Variants in CCDC80 observed in about 807,000 individuals in gnomAD.
CCDC80 encodes coiled-coil domain containing 80.
A neutral mutation model predicts 78.7 loss-of-function variants in CCDC80; 49 were observed. The observed-to-expected ratio is 0.62, with a 90% CI of 0.50 to 0.79. The LOEUF is 0.79. Among genes scored for constraint, CCDC80 ranks in the 30% least tolerant of loss-of-function variants. The pLI, the probability that CCDC80 is intolerant of heterozygous loss-of-function variation, is 0.00. For missense variants in CCDC80, 1,205 were observed against 1,198.6 expected (o/e 1.01, Z -0.08); for synonymous variants, 488 against 447.0 (o/e 1.09, Z -1.16).
intron 2 of CCDC80, among the ~76,000 whole-genome samples, chr3:112,632,145 T>C (rs1395733209): frequency 6.6e-6 from 1 of 152,214 alleles, no homozygotes; most frequent in African/African-American, 2.4e-5. Flanking sequence ...TAATTAGCTT[T>C]ATGGCATCTG....
chr3:112,617,796 G>A (rs913454013), intron 4 of CCDC80, among the ~76,000 whole-genome samples: 1 of 152,202 alleles, frequency 6.6e-6, no homozygotes, highest in East Asian at 1.9e-4. Flanking sequence ...GGTTTCAGAA[G>A]CCTGGAATTT....
In CCDC80 at chr3:112,602,400, C is replaced by G. The variant is rs1935389298; in HGVS notation, c.*3017G>C. Reference sequence around the variant, plus strand: ...GAAGTTGCAATCTTTCACTTTAAATCAAAAGCTAGAAATGAATAAGCTTAG... The same window carrying G: ...GAAGTTGCAATCTTTCACTTTAAATGAAAAGCTAGAAATGAATAAGCTTAG... On this transcript the variant is annotated 3_prime_UTR_variant, in exon 8 of 8. Transcript: ENST00000206423. The G allele has an allele frequency of 6.6e-6, 1 of 152,112 alleles. No individual in the cohort carries two copies. The highest frequency in any genetic ancestry group is 2.1e-4 in the South Asian group (1 of 4,826). The allele number at this position is 152,112 out of a possible 1,614,324, so 9.4% of individuals were successfully genotyped here. A position where few individuals can be genotyped will look rare whatever the true frequency, so the allele number is the denominator to read the frequency against.
At chr3:112,607,059 G>A (rs949600626) in intron 7 of CCDC80, 117 bp downstream of exon 7, 2 of 684,128 alleles carry the variant, frequency 2.9e-6, no homozygotes, top group African/African-American at 1.8e-5. Context: ...TGAAGTGGGA[G>A]GAGGATTCAA....
intron 3 of CCDC80, among the ~76,000 whole-genome samples, chr3:112,625,854 A>G (rs556701963): frequency 6.6e-6 from 1 of 152,174 alleles, no homozygotes; most frequent in Non-Finnish European, 1.5e-5. Context: ...TGAAAATTTA[A>G]AAAAAGTATT....
chr3:112,629,302 C>T (rs1407736126), intron 3 of CCDC80, among the ~76,000 whole-genome samples: 1 of 148,354 alleles, frequency 6.7e-6, no homozygotes, highest in Non-Finnish European at 1.5e-5. Context: ...TGTAGTTAAA[C>T]CATGAACAAC....
chr3:112,639,027 C>G lies in CCDC80; in HGVS notation c.879G>C (p.Glu293Asp). The G allele has an allele frequency of 6.2e-7, 1 of 1,609,628 alleles. No homozygotes were observed. The highest frequency in any genetic ancestry group is 8.5e-7 in the Non-Finnish European group (1 of 1,179,394). The change falls in exon 2 of 8, where the codon GAG becomes GAC. Residue 293 changes from glutamate (E) to aspartate (D), a missense_variant. Physicochemically the swap from Glu to Asp is conservative, Grantham distance 45. Coordinates refer to ENST00000206423, the MANE Select transcript of CCDC80 (RefSeq NM_199511.3). Reference protein sequence around the residue: ...ASGVEGQVVAEGNDGGGGAGR... With the variant: ...ASGVEGQVVADGNDGGGGAGR... ...CTGCTCCCCCTCCACCGTCATTCCC[C>G]TCCGCCACCACCTGGCCCTCTACAC...
chr3:112,611,472 G>A (rs1270844617), intron 5 of CCDC80, among the ~76,000 whole-genome samples: 1 of 152,156 alleles, frequency 6.6e-6, no homozygotes, highest in African/African-American at 2.4e-5. Context: ...AACGCAATAT[G>A]GTTCTTCATT....
chr3:112,630,210 C>T lies in CCDC80; in HGVS notation c.1938G>A (p.Leu646=). ...NMYVQQRDEY[L]ESFCKMATRK... The stretch of plus-strand genomic sequence containing the variant: ...TGGTAGCCATCTTGCAGAAACTTTC[C>T]AGATATTCATCACGTTGTTGCACAT... The change falls in exon 3 of 8, where the codon CTG becomes CTA. Residue 646 remains leucine (L), a synonymous_variant. Coordinates refer to ENST00000206423, the MANE Select transcript of CCDC80 (RefSeq NM_199511.3). The T allele has an allele frequency of 6.2e-7, 1 of 1,613,868 alleles. No homozygotes were observed. The highest frequency in any genetic ancestry group is 8.5e-7 in the Non-Finnish European group (1 of 1,179,816).
rs760626079 is a variant in CCDC80, at chr3:112,602,559, A to C, written c.*2858T>G. On this transcript the variant is annotated 3_prime_UTR_variant, in exon 8 of 8. Transcript: ENST00000206423. ...ACTTTGTGAATGCATGAATGATAAA[A>C]AAGTAAAACAGCCTTACTGCTGATA... The C allele has an allele frequency of 3.3e-5, 5 of 152,254 alleles. No homozygotes were observed. The highest frequency in any genetic ancestry group is 1.5e-5 in the Non-Finnish European group (1 of 68,046). 9.4% of individuals were successfully genotyped at this position (152,254 alleles called of 1,614,324 possible). A position where few individuals can be genotyped will look rare whatever the true frequency, so the allele number is the denominator to read the frequency against.
Position 112,630,226 on chromosome 3 carries a change from T to C in CCDC80, c.1922A>G (p.Gln641Arg), listed in dbSNP as rs1172845552. ...GAAACTTTCCAGATATTCATCACGT[T>C]GTTGCACATACATATTGTTCTCAGC... ...PKAENNMYVQ[Q>R]RDEYLESFCK... Residue 641 changes from glutamine to arginine, a missense_variant, in exon 3 of 8, where the codon CAA becomes CGA. Physicochemically the swap from Gln to Arg is conservative, Grantham distance 43. Transcript: ENST00000206423. 6.2e-7 allele frequency: 1 copy of C among 1,613,952 alleles called. No individual in the cohort carries two copies. The highest frequency in any genetic ancestry group is 2.2e-5 in the East Asian group (1 of 44,882).
intron 2 of CCDC80, among the ~76,000 whole-genome samples, chr3:112,632,743 A>G (rs146845123): frequency 4.6e-5 from 7 of 152,252 alleles, no homozygotes; most frequent in Non-Finnish European, 8.8e-5. Flanking sequence ...TCTGATGTTT[A>G]TTTTCACTGC....
chr3:112,633,356 C>G (rs1031149390), intron 2 of CCDC80, among the ~76,000 whole-genome samples: 1 of 152,148 alleles, frequency 6.6e-6, no homozygotes, highest in Non-Finnish European at 1.5e-5. Context: ...AATGCATTAT[C>G]CTCCTTAAAG....
intron 3 of CCDC80, among the ~76,000 whole-genome samples, chr3:112,620,190 A>G (rs532885169): frequency 1.3e-5 from 2 of 152,328 alleles, no homozygotes; most frequent in East Asian, 3.9e-4. Flanking sequence ...AAAGGGGATG[A>G]TTACAATTTA....
At chr3:112,606,301 C>T (rs936528966) in intron 7 of CCDC80, among the ~76,000 whole-genome samples, 1 of 152,232 alleles carries the variant, frequency 6.6e-6, no homozygotes, top group African/African-American at 2.4e-5. Context: ...CTGCTGTGTC[C>T]GGCATTCTGC....
chr3:112,634,760 C>T (rs1936171573), intron 2 of CCDC80, among the ~76,000 whole-genome samples: 1 of 152,180 alleles, frequency 6.6e-6, no homozygotes, highest in Non-Finnish European at 1.5e-5. Flanking sequence ...TTCCCCTTCA[C>T]TTTATGGCAT....
chr3:112,638,438 C>T lies in CCDC80; in HGVS notation c.1468G>A (p.Glu490Lys), dbSNP rs1206141546. ...VVPGPPKPAK[E>K]KPPKKKAQDK... ...TGGGCCTTCTTTTTGGGAGGTTTCT[C>T]CTTTGCTGGCTTGGGAGGACCTGGC... The change falls in exon 2 of 8, where the codon GAG becomes AAG. Residue 490 changes from glutamate (E) to lysine (K), a missense_variant. By Grantham distance (56) the Glu-to-Lys change is moderately conservative. Transcript: ENST00000206423. 7 of 1,613,516 alleles carry T rather than the reference C, an allele frequency of 4.3e-6. No individual in the cohort carries two copies. The South Asian group carries it at 5.5e-5, about 13-fold the overall frequency.
In CCDC80 at chr3:112,638,827, GT is replaced by G; in HGVS notation, c.1078del (p.Thr360GlnfsTer2). The G allele has an allele frequency of 6.2e-7, 1 of 1,613,886 alleles. No individual in the cohort carries two copies. Among genetic ancestry groups the G allele is most frequent in the Non-Finnish European group, 8.5e-7 (1 of 1,180,016 alleles). Reference sequence around the variant, plus strand: ...CGCCCGGGACGTGGACCGAGTCACTGTTGTGGCTGGGGCAGGAGGAAGGGTG... The same window carrying G: ...CGCCCGGGACGTGGACCGAGTCACTGTGTGGCTGGGGCAGGAGGAAGGGTG... ...ATTLPPAPAT[T>X]VTRSTSRAVT... On this transcript the variant is annotated frameshift_variant, in exon 2 of 8. Transcript: ENST00000206423. LOFTEE classifies it high-confidence loss of function.
Position 112,638,465 on chromosome 3 carries a change from C to G in CCDC80, c.1441G>C (p.Val481Leu). 1 of 1,613,322 alleles carries G rather than the reference C, an allele frequency of 6.2e-7. No individual in the cohort carries two copies. The highest frequency in any genetic ancestry group is 1.3e-5 in the African/African-American group (1 of 74,728). ...REHGHRDPNV[V>L]PGPPKPAKEK... ...TTTGCTGGCTTGGGAGGACCTGGCA[C>G]CACATTTGGGTCTCGGTGGCCATGT... The change falls in exon 2 of 8, where the codon GTG becomes CTG. Residue 481 changes from valine (V) to leucine (L), a missense_variant. Transcript: ENST00000206423.
In CCDC80 at chr3:112,597,029, T is replaced by G. The variant is rs1576773497; in HGVS notation, c.*8388A>C. 7 of 152,316 alleles carry G rather than the reference T, an allele frequency of 4.6e-5. 2 individuals are homozygous for G. The highest frequency in any genetic ancestry group is 4.6e-4 in the Admixed American group (7 of 15,290). The allele number at this position is 152,316 out of a possible 1,614,324, so 9.4% of individuals were successfully genotyped here. ...GGTCTTTATGTCTGTCTGGTCATGTTATCAGCCAGTCTTACTTAATGTATT... is the reference window on the plus strand; with the variant it reads ...GGTCTTTATGTCTGTCTGGTCATGTGATCAGCCAGTCTTACTTAATGTATT... On this transcript the variant is annotated 3_prime_UTR_variant, in exon 8 of 8. Transcript: ENST00000206423.
Sources: gnomAD v4.1 joint callset for allele counts (sites outside exome capture counted in the v4.1 genomes callset) on GRCh38, gnomAD v4.1.1 for gene constraint, MANE v1.5 for transcripts, NCBI Gene and HGNC (gene_info 2026-07-23, HGNC 2026-07-21) for gene names.